The following FAM13A variants were observed in gnomAD, a reference collection of about 807,000 sequenced individuals.
FAM13A encodes family with sequence similarity 13 member A.
FAM13A carries 76 observed loss-of-function variants against 129.6 expected under a neutral mutation model. The observed-to-expected ratio is 0.59, with a 90% CI of 0.49 to 0.71. The LOEUF is 0.71. Among genes scored for constraint, FAM13A ranks in the 30% least tolerant of loss-of-function variants. The pLI is 0.00. For synonymous variants in FAM13A, 443 were observed against 449.9 expected, an observed-to-expected ratio of 0.98 and a Z score of 0.20; for missense variants, 1,108 against 1,249.3, an observed-to-expected ratio of 0.89 and a Z score of 1.70.
At chr4:88,804,776 CT>C (rs1468259556) in intron 8 of FAM13A, among the ~76,000 whole-genome samples, 2 of 152,058 alleles carry the variant, frequency 1.3e-5, no homozygotes, top group Non-Finnish European at 2.9e-5. Flanking sequence ...CACCTTGGCA[CT>C]TTTGAATTTA....
chr4:89,043,038 A>C (rs1314511399), intron 1 of FAM13A, among the ~76,000 whole-genome samples: 2 of 152,354 alleles, frequency 1.3e-5, no homozygotes, highest in East Asian at 3.9e-4. Flanking sequence ...TGTGATGCCA[A>C]AGGTGAGGAT....
At chr4:88,935,387 G>A (rs1010976656) in intron 5 of FAM13A, among the ~76,000 whole-genome samples, 2 of 152,096 alleles carry the variant, frequency 1.3e-5, no homozygotes, top group African/African-American at 2.4e-5. Flanking sequence ...TTTATGTTTA[G>A]TCCTTTTCCC....
At chr4:88,846,480 G>T (rs987676920) in intron 7 of FAM13A, among the ~76,000 whole-genome samples, 1 of 152,092 alleles carries the variant, frequency 6.6e-6, no homozygotes, top group African/African-American at 2.4e-5. Flanking sequence ...CTGCCACCAT[G>T]CTCTGATGTA....
intron 6 of FAM13A, among the ~76,000 whole-genome samples, chr4:88,869,716 T>C (rs1435153984): frequency 6.6e-6 from 1 of 152,206 alleles, no homozygotes; most frequent in Non-Finnish European, 1.5e-5. Context: ...CTATCAACTA[T>C]CAACTTCAAT....
chr4:88,986,790 T>C (rs929888704), intron 4 of FAM13A, among the ~76,000 whole-genome samples: 1 of 152,264 alleles, frequency 6.6e-6, no homozygotes, highest in African/African-American at 2.4e-5. Context: ...GTTACAAATA[T>C]GAAATCAAAG....
intron 6 of FAM13A, among the ~76,000 whole-genome samples, chr4:88,859,602 C>T (rs1561183884): frequency 6.6e-6 from 1 of 152,110 alleles, no homozygotes; most frequent in Non-Finnish European, 1.5e-5. Context: ...GAAGGAGTTG[C>T]TTACAAGAGA....
At chr4:88,884,854 C>T (rs1320003947) in intron 6 of FAM13A, among the ~76,000 whole-genome samples, 1 of 152,092 alleles carries the variant, frequency 6.6e-6, no homozygotes, top group East Asian at 1.9e-4. Flanking sequence ...ACACCAACAG[C>T]AACCAAACTG....
At chr4:88,942,281 A>C (rs1754883467) in intron 4 of FAM13A, among the ~76,000 whole-genome samples, 1 of 152,162 alleles carries the variant, frequency 6.6e-6, no homozygotes, top group Non-Finnish European at 1.5e-5. Context: ...AGAAATGTCA[A>C]AGAGGCTGGG....
Position 88,747,659 on chromosome 4 carries a change from G to A in FAM13A, c.2354C>T (p.Ala785Val), listed in dbSNP as rs757298567. 1 of 1,613,958 alleles carries A rather than the reference G, an allele frequency of 6.2e-7. No homozygotes were observed. The highest frequency in any genetic ancestry group is 1.3e-5 in the African/African-American group (1 of 74,914). ...SIQRKLQEKR[A>V]ESSRPEDIKD... ...AATGTCCTCAGGGCGGCTGCTTTCC[G>A]CTCGCTTCTCCTGGAGCTTCCTCTG... Residue 785 changes from alanine (A) to valine (V), a missense_variant, in exon 18 of 24, where the codon GCG becomes GTG. Around this residue, in one of 3 missense-constraint regions of FAM13A, gnomAD observed 529 missense variants for 621.2 expected, o/e 0.85. Coordinates refer to ENST00000264344, the MANE Select transcript of FAM13A (RefSeq NM_014883.4).
intron 11 of FAM13A, among the ~76,000 whole-genome samples, chr4:88,780,797 C>T (rs1722689049): frequency 6.6e-6 from 1 of 151,698 alleles, no homozygotes; most frequent in Non-Finnish European, 1.5e-5. Context: ...GCTTTAAGTT[C>T]ATTCATTAAT....
Position 88,762,081 on chromosome 4 carries a change from G to A in FAM13A, c.1579-3180C>T, listed in dbSNP as rs114979199. Among the ~76,000 whole-genome samples the A allele has an allele frequency of 5.7e-3, 874 of 152,250 alleles. 10 individuals carry two copies. Among genetic ancestry groups the A allele is most frequent in the African/African-American group, 0.02 (811 of 41,534 alleles). On this transcript the variant is annotated intron_variant, in intron 13 of 23. Coordinates refer to ENST00000264344, the MANE Select transcript of FAM13A (RefSeq NM_014883.4). Reference sequence around the variant, plus strand: ...TCAGGGACAGTCTCTGTGATAAAGTGACAGGAAGTGAGAAAGTGGGCCATT... The same window carrying A: ...TCAGGGACAGTCTCTGTGATAAAGTAACAGGAAGTGAGAAAGTGGGCCATT...
rs1339125446 is a variant in FAM13A, at chr4:89,020,249, T to TA, written c.427+210dup. Among the ~76,000 whole-genome samples the TA allele has an allele frequency of 4.0e-5, 6 of 149,426 alleles. No homozygotes were observed. The East Asian group carries it at 7.8e-4, about 19-fold the overall frequency. ...AATTTTAAATATTTAGTATGTTTAC[T>TA]AAAAATAAAACTGGTTTTTTTTTTT... On this transcript the variant is annotated intron_variant, in intron 3 of 23. Coordinates refer to ENST00000264344, the MANE Select transcript of FAM13A (RefSeq NM_014883.4).
At chr4:88,778,490 A>G (rs1221191474) in intron 11 of FAM13A, among the ~76,000 whole-genome samples, 1 of 152,140 alleles carries the variant, frequency 6.6e-6, no homozygotes, top group Admixed American at 6.5e-5. Context: ...GGAACCATTC[A>G]TGTTTTAGTT....
chr4:88,821,828 T>C (rs1035747927), intron 7 of FAM13A, among the ~76,000 whole-genome samples: 2 of 152,216 alleles, frequency 1.3e-5, no homozygotes, highest in African/African-American at 4.8e-5. Flanking sequence ...AGGAACTCTT[T>C]GGACACCCCC....
At chr4:88,796,682 A>T (rs1578698410) in intron 8 of FAM13A, among the ~76,000 whole-genome samples, 3 of 147,040 alleles carry the variant, frequency 2.0e-5, no homozygotes, top group East Asian at 2.0e-4. Flanking sequence ...TTTAGGTATG[A>T]CTCTTTTGCA....
At chr4:88,861,929 T>C (rs911514073) in intron 6 of FAM13A, among the ~76,000 whole-genome samples, 13 of 152,374 alleles carry the variant, frequency 8.5e-5, no homozygotes, top group African/African-American at 3.1e-4. Flanking sequence ...ACACAGATAG[T>C]AAGTGATGAA....
intron 13 of FAM13A, among the ~76,000 whole-genome samples, chr4:88,766,899 GAGGTAGCAGATTGC>G (rs1560935029): frequency 6.6e-6 from 1 of 152,188 alleles, no homozygotes; most frequent in Admixed American, 6.5e-5. Flanking sequence ...GAAGTATTTG[GAGGTAGCAGATTGC>G]ATACACATAC....
chr4:89,010,183 T>C (rs983458718), intron 3 of FAM13A, among the ~76,000 whole-genome samples: 14 of 152,176 alleles, frequency 9.2e-5, no homozygotes, highest in African/African-American at 3.4e-4. Context: ...ATGGAAAAAT[T>C]TGTAACCCTG....
chr4:88,820,887 A>G lies in FAM13A; in HGVS notation c.1008-15835T>C, dbSNP rs1022732019. Among the ~76,000 whole-genome samples the G allele has an allele frequency of 3.9e-5, 6 of 152,212 alleles. No homozygotes were observed. The South Asian group carries it at 1.0e-3, about 26-fold the overall frequency. On this transcript the variant is annotated intron_variant, in intron 7 of 23. Transcript: ENST00000264344. ...ACAAACAGTGAGCATGAATTTCTTTAGCTGCTATTTAAAGCTATTCTTTTA... is the reference window on the plus strand; with the variant it reads ...ACAAACAGTGAGCATGAATTTCTTTGGCTGCTATTTAAAGCTATTCTTTTA...
Sources: allele counts gnomAD v4.1 joint callset (sites outside exome capture counted in the v4.1 genomes callset), GRCh38; gene constraint gnomAD v4.1.1; regional missense constraint gnomAD v4.1.1; transcripts MANE v1.5; gene names NCBI Gene and HGNC (gene_info 2026-07-23, HGNC 2026-07-21).